Variants in EYA4 observed in about 807,000 individuals in gnomAD.
EYA4 encodes protein phosphatase EYA4.
A neutral mutation model predicts 87.9 loss-of-function variants in EYA4; 31 were observed. The ratio of observed to expected loss-of-function variants is 0.35; its 90% CI spans 0.27 to 0.48. The LOEUF (loss-of-function observed/expected upper bound fraction) is 0.48, where lower values mean the gene tolerates loss of function less well. Ranked by LOEUF, EYA4 falls within the 20% of genes least tolerant of loss-of-function variation. The pLI is 0.99. For missense variants in EYA4, 678 were observed against 761.4 expected (o/e 0.89, Z 1.29); for synonymous variants, 263 against 270.6 (o/e 0.97, Z 0.28).
chr6:133,461,973 T>C, intron 7 of EYA4: 2 of 340,456 alleles, frequency 5.9e-6, no homozygotes, highest in South Asian at 5.1e-5. Context: ...CATGAGCATA[T>C]TAATTAGCTA....
intron 10 of EYA4, 55 bp from the exon 11 acceptor site, chr6:133,468,511 G>C: frequency 7.3e-7 from 1 of 1,371,162 alleles, no homozygotes; most frequent in Non-Finnish European, 1.0e-6. Flanking sequence ...TTTCTTGGGA[G>C]AGTATTAAAG....
At chr6:133,489,468 C>T (rs1238056779) in intron 13 of EYA4, among the ~76,000 whole-genome samples, 2 of 151,868 alleles carry the variant, frequency 1.3e-5, no homozygotes, top group Non-Finnish European at 2.9e-5. Context: ...AATCAAACCT[C>T]AAAGCCCAAG....
chr6:133,298,418 C>T (rs6938101), intron 2 of EYA4, among the ~76,000 whole-genome samples: 2 of 151,966 alleles, frequency 1.3e-5, no homozygotes, highest in African/African-American at 4.8e-5. Flanking sequence ...TATTTGGGCC[C>T]TTTTAGTGGA....
chr6:133,337,168 T>C lies in EYA4; in HGVS notation c.34-45224T>C, dbSNP rs187622693. ...CGGGAACCTGGGGCTTAAAGTTGAA[T>C]AGTGTCTGTAGCAGAGAGAGTCTTT... On this transcript the variant is annotated intron_variant, in intron 2 of 19. Coordinates refer to ENST00000355286, the MANE Select transcript of EYA4 (RefSeq NM_004100.5). 2.0e-5 allele frequency among the ~76,000 whole-genome samples: 3 copies of C among 152,288 alleles called. No individual in the cohort carries two copies. In the East Asian group the frequency reaches 5.8e-4, roughly 29 times the overall value.
intron 3 of EYA4, among the ~76,000 whole-genome samples, chr6:133,421,311 T>C (rs1790200497): frequency 6.6e-6 from 1 of 152,220 alleles, no homozygotes; most frequent in African/African-American, 2.4e-5. Flanking sequence ...CCAAGAATTC[T>C]TGTAGAACCT....
At chr6:133,417,862 T>C (rs1403059484) in intron 3 of EYA4, among the ~76,000 whole-genome samples, 2 of 152,164 alleles carry the variant, frequency 1.3e-5, no homozygotes, top group Non-Finnish European at 2.9e-5. Context: ...TTAATTAAAA[T>C]CTGTTCTTTC....
At chr6:133,361,382 A>G (rs1784437079) in intron 2 of EYA4, among the ~76,000 whole-genome samples, 1 of 152,226 alleles carries the variant, frequency 6.6e-6, no homozygotes, top group Non-Finnish European at 1.5e-5. Flanking sequence ...AATTGCATGT[A>G]CAGGTGTCAT....
intron 2 of EYA4, among the ~76,000 whole-genome samples, chr6:133,295,819 C>T (rs1178395389): frequency 6.6e-6 from 1 of 152,114 alleles, no homozygotes; most frequent in Non-Finnish European, 1.5e-5. Context: ...TAATTCAGCC[C>T]TTCCCATTGC....
intron 2 of EYA4, among the ~76,000 whole-genome samples, chr6:133,353,199 A>T (rs186078458): frequency 6.6e-6 from 1 of 152,214 alleles, no homozygotes; most frequent in East Asian, 1.9e-4. Flanking sequence ...CTCTATGTCT[A>T]CTTGACCCAT....
At chr6:133,267,896 T>G (rs891113409) in intron 1 of EYA4, among the ~76,000 whole-genome samples, 14 of 152,150 alleles carry the variant, frequency 9.2e-5, no homozygotes, top group Non-Finnish European at 1.8e-4. Flanking sequence ...ATTTATAGCT[T>G]TTAAAGTACA....
At chr6:133,282,611 G>A (rs1777722076) in intron 2 of EYA4, among the ~76,000 whole-genome samples, 1 of 145,742 alleles carries the variant, frequency 6.9e-6, no homozygotes, top group Admixed American at 6.9e-5. Context: ...TGTATATATG[G>A]AGAGCCTCAT....
intron 2 of EYA4, among the ~76,000 whole-genome samples, chr6:133,280,884 C>A (rs1777567756): frequency 6.6e-6 from 1 of 152,084 alleles, no homozygotes; most frequent in African/African-American, 2.4e-5. Flanking sequence ...CGATGAGCAC[C>A]CCTCAGCCCT....
intron 3 of EYA4, among the ~76,000 whole-genome samples, chr6:133,390,503 T>G (rs1291914741): frequency 2.6e-5 from 4 of 152,224 alleles, no homozygotes; most frequent in African/African-American, 9.6e-5. Flanking sequence ...ATTACAGGCG[T>G]GAGCCACTGC....
upstream of EYA4, chr6:133,240,597 C>A (rs1773877209): frequency 6.6e-6 from 1 of 152,410 alleles, no homozygotes; most frequent in East Asian, 1.9e-4. Flanking sequence ...GGAAGTAAGT[C>A]GTTGCTGCCT....
At chr6:133,400,211 G>A (rs1425674608) in intron 3 of EYA4, among the ~76,000 whole-genome samples, 1 of 152,262 alleles carries the variant, frequency 6.6e-6, no homozygotes, top group African/African-American at 2.4e-5. Context: ...ACAGATGCGA[G>A]TTAGAAAATT....
intron 3 of EYA4, among the ~76,000 whole-genome samples, chr6:133,387,197 G>A (rs895165087): frequency 2.6e-5 from 4 of 152,186 alleles, no homozygotes; most frequent in African/African-American, 9.7e-5. Flanking sequence ...ATTTAATAAT[G>A]TTTAATGTAT....
intron 3 of EYA4, among the ~76,000 whole-genome samples, chr6:133,389,431 G>A (rs190199335): frequency 1.2e-4 from 19 of 152,294 alleles, no homozygotes; most frequent in Non-Finnish European, 1.5e-5. Context: ...GCTCTACAAG[G>A]TTAGAGTTCA....
intron 13 of EYA4, 24 bp downstream of exon 13, chr6:133,483,139 C>T (rs1796363225): frequency 1.9e-6 from 3 of 1,550,202 alleles, no homozygotes; most frequent in Non-Finnish European, 2.7e-6. Flanking sequence ...AAATGTTACT[C>T]CAAGAAATCT....
intron 2 of EYA4, among the ~76,000 whole-genome samples, chr6:133,350,971 A>G (rs1170710172): frequency 6.6e-6 from 1 of 151,204 alleles, no homozygotes; most frequent in Non-Finnish European, 1.5e-5. Flanking sequence ...GCCTATTTCT[A>G]ATGACTGATT....
Sources: allele counts gnomAD v4.1 joint callset (sites outside exome capture counted in the v4.1 genomes callset), GRCh38; gene constraint gnomAD v4.1.1; transcripts MANE v1.5; gene names NCBI Gene and HGNC (gene_info 2026-07-23, HGNC 2026-07-21).